CD300LB: variants seen among roughly 807,000 people sequenced by gnomAD.
CD300LB encodes the protein CMRF35-like molecule 7.
CD300LB carries 18 observed loss-of-function variants against 20.8 expected under a neutral mutation model. The ratio of observed to expected loss-of-function variants is 0.87; its 90% CI spans 0.60 to 1.28. The LOEUF is 1.28. Among genes scored for constraint, CD300LB ranks in the 50% most tolerant of loss-of-function variants. The pLI is 0.00. For missense variants in CD300LB, 222 were observed against 251.8 expected (o/e 0.88, Z 0.80); for synonymous variants, 91 against 91.3 (o/e 1.00, Z 0.02).
chr17:74,525,621 G>T (rs35479810), intron 2 of CD300LB, 127 bp downstream of exon 2: 2 of 726,248 alleles, frequency 2.8e-6, no homozygotes, highest in African/African-American at 1.8e-5. Context: ...CTGTCTGTCT[G>T]TCTCTCTCTC....
In CD300LB at chr17:74,522,528, C is replaced by T. The variant is rs1435797518; in HGVS notation, c.*210G>A. The T allele has an allele frequency of 3.6e-5, 49 of 1,348,836 alleles. 1 individual carries two copies. In the Admixed American group the frequency reaches 1.5e-3, roughly 42 times the overall value. The allele number at this position is 1,348,836 out of a possible 1,614,324, so 83.6% of individuals were successfully genotyped here. The stretch of plus-strand genomic sequence containing the variant: ...TGACCAAGAGAACAGGTGCTGGCAC[C>T]CCAGGAGGTGATGGTGGCTCAGGAG... On this transcript the variant is annotated 3_prime_UTR_variant, in exon 4 of 4. Transcript: ENST00000392621.
At position 74,522,587 on chromosome 17, in the gene CD300LB, A is replaced by T; in HGVS notation, c.*151T>A. 1 of 1,460,968 alleles carries T rather than the reference A, an allele frequency of 6.8e-7. No individual in the cohort carries two copies. Among genetic ancestry groups the T allele is most frequent in the South Asian group, 1.4e-5 (1 of 71,312 alleles). The allele number at this position is 1,460,968 out of a possible 1,614,324, so 90.5% of individuals were successfully genotyped here. A position where few individuals can be genotyped will look rare whatever the true frequency, so the allele number is the denominator to read the frequency against. ...GCTAAGTCCCTGAGCTGTGCAGAAC[A>T]GGGAGGTGCCCACCAGCTCCAAGGC... On this transcript the variant is annotated 3_prime_UTR_variant, in exon 4 of 4. Transcript: ENST00000392621.
At chr17:74,530,579 ACACACACACACACC>A (rs1908176010) in intron 1 of CD300LB, among the ~76,000 whole-genome samples, 1 of 93,330 alleles carries the variant, frequency 1.1e-5, no homozygotes, top group Non-Finnish European at 2.6e-5. Context: ...ACACACACAC[ACACACACACACACC>A]CAACTCTCTA....
Position 74,521,348 on chromosome 17 carries a change from T to C in CD300LB, c.*1390A>G. 1.0e-6 allele frequency: 1 copy of C among 985,512 alleles called. No individual in the cohort carries two copies. The highest frequency in any genetic ancestry group is 1.2e-6 in the Non-Finnish European group (1 of 829,998). 61.0% of individuals were successfully genotyped at this position (985,512 alleles called of 1,614,324 possible). ...CGTCCTCCCTGGGTCTGGTCGGATC[T>C]TCGGGAAGCTGGATCCAGGAAAGCA... On this transcript the variant is annotated 3_prime_UTR_variant, in exon 4 of 4. Transcript: ENST00000392621.
intron 2 of CD300LB, among the ~76,000 whole-genome samples, chr17:74,523,895 C>A (rs956361437): frequency 1.3e-5 from 2 of 152,198 alleles, no homozygotes; most frequent in African/African-American, 2.4e-5. Flanking sequence ...GGAGTAAACA[C>A]TGTAGTTTAT....
In CD300LB at chr17:74,523,339, T is replaced by C. The variant is rs1025751291; in HGVS notation, c.443+240A>G. ...AGGCCACCAATGCAAGGTTGACTGA[T>C]TGACTGGGAGAATGATGCTCACTGA... On this transcript the variant is annotated intron_variant, in intron 3 of 3. Coordinates refer to ENST00000392621, the MANE Select transcript of CD300LB (RefSeq NM_174892.4). The C allele has an allele frequency of 5.3e-6, 3 of 569,190 alleles. No homozygotes were observed. The African/African-American group carries it at 5.6e-5, about 11-fold the overall frequency. The allele number at this position is 569,190 out of a possible 1,614,324, so 35.3% of individuals were successfully genotyped here. A position where few individuals can be genotyped will look rare whatever the true frequency, so the allele number is the denominator to read the frequency against.
chr17:74,524,004 G>A (rs1425696509), intron 2 of CD300LB, among the ~76,000 whole-genome samples: 1 of 152,196 alleles, frequency 6.6e-6, no homozygotes, highest in Non-Finnish European at 1.5e-5. Flanking sequence ...CACTGGAGTG[G>A]TGCCTGAGCA....
chr17:74,530,960 G>A (rs1000615145), intron 1 of CD300LB, among the ~76,000 whole-genome samples: 3 of 151,986 alleles, frequency 2.0e-5, no homozygotes, highest in African/African-American at 4.8e-5. Context: ...CGGTCACCAC[G>A]CCCAGCTAAT....
chr17:74,523,748 A>G (rs1461266821), intron 2 of CD300LB, 97 bp from the exon 3 acceptor site: 6 of 789,974 alleles, frequency 7.6e-6, no homozygotes, highest in Non-Finnish European at 9.1e-6. Context: ...TCACCAGAAG[A>G]CCCTTTTCCC....
rs1436709820 is a variant in CD300LB, at chr17:74,526,047, A to G, written c.71T>C (p.Val24Ala). 1.2e-6 allele frequency: 2 copies of G among 1,613,950 alleles called. No individual in the cohort carries two copies. The highest frequency in any genetic ancestry group is 2.2e-5 in the East Asian group (1 of 44,860). ...GCFSIQGPES[V>A]RAPEQGSLTV... ...CAGGGACCCCTGCTCTGGGGCTCTC[A>G]CAGACTCTGGGCCTTGGATGGAGAA... Residue 24 changes from valine to alanine, a missense_variant, in exon 2 of 4, where the codon GTG (valine) becomes GCG (alanine). Val to Ala is a moderately conservative substitution (Grantham distance 64). Transcript: ENST00000392621.
chr17:74,529,748 C>T (rs541943027), intron 1 of CD300LB, among the ~76,000 whole-genome samples: 1 of 152,294 alleles, frequency 6.6e-6, no homozygotes, highest in African/African-American at 2.4e-5. Context: ...CAAGGTTGCA[C>T]CACTGCACTC....
intron 1 of CD300LB, among the ~76,000 whole-genome samples, chr17:74,528,344 C>G (rs1292557828): frequency 6.6e-6 from 1 of 152,088 alleles, no homozygotes; most frequent in Admixed American, 6.5e-5. Context: ...CCTACTTGCA[C>G]CTCAATTTTA....
At chr17:74,524,950 G>A (rs1427211387) in intron 2 of CD300LB, among the ~76,000 whole-genome samples, 1 of 152,156 alleles carries the variant, frequency 6.6e-6, no homozygotes, top group Non-Finnish European at 1.5e-5. Flanking sequence ...GTGTCCATGT[G>A]CCTCTTTGGT....
intron 1 of CD300LB, among the ~76,000 whole-genome samples, chr17:74,529,688 A>T (rs35718156): frequency 0.027 from 4,095 of 152,204 alleles, 58 homozygotes; most frequent in South Asian, 0.051. Flanking sequence ...TTCTTGGGAG[A>T]CTGAGGCAGA....
At chr17:74,528,845 G>A (rs992517961) in intron 1 of CD300LB, among the ~76,000 whole-genome samples, 3 of 152,184 alleles carry the variant, frequency 2.0e-5, no homozygotes, top group Non-Finnish European at 2.9e-5. Flanking sequence ...ACTTGGATGT[G>A]TGTAGGCTGG....
intron 1 of CD300LB, 117 bp from the exon 2 acceptor site, chr17:74,526,194 T>C (rs1030414552): frequency 3.5e-5 from 49 of 1,415,514 alleles, no homozygotes; most frequent in Non-Finnish European, 4.6e-5. Flanking sequence ...AATCCCAAGA[T>C]ACAGCTCCTG....
intron 1 of CD300LB, among the ~76,000 whole-genome samples, chr17:74,529,489 AG>A (rs1908134919): frequency 6.6e-6 from 1 of 152,064 alleles, no homozygotes; most frequent in African/African-American, 2.4e-5. Context: ...ACTTGCCCTG[AG>A]CATCTAAAAG....
Position 74,521,867 on chromosome 17 carries a change from C to G in CD300LB, c.*871G>C. 2.0e-6 allele frequency: 2 copies of G among 985,466 alleles called. No individual in the cohort carries two copies. Among genetic ancestry groups the G allele is most frequent in the Non-Finnish European group, 2.4e-6 (2 of 829,952 alleles). 61.0% of individuals were successfully genotyped at this position (985,466 alleles called of 1,614,324 possible). On this transcript the variant is annotated 3_prime_UTR_variant, in exon 4 of 4. Transcript: ENST00000392621. The stretch of plus-strand genomic sequence containing the variant: ...AGGAGACAGAACCACTTCCCTAGGA[C>G]AGTTTTCATTAGTAACATGATTTCA...
intron 1 of CD300LB, 45 bp downstream of exon 1, chr17:74,531,266 C>A (rs1908204103): frequency 1.3e-6 from 2 of 1,496,160 alleles, no homozygotes; most frequent in African/African-American, 2.9e-5. Flanking sequence ...TGCCTCCTGC[C>A]CTGCCCCTGT....
Sources: allele counts gnomAD v4.1 joint callset (sites outside exome capture counted in the v4.1 genomes callset), GRCh38; gene constraint gnomAD v4.1.1; transcripts MANE v1.5; gene names NCBI Gene and HGNC (gene_info 2026-07-23, HGNC 2026-07-21).